ACOX1: variants seen among roughly 807,000 people sequenced by gnomAD.
The protein encoded by ACOX1 is acyl-CoA oxidase 1.
In ACOX1, 41 loss-of-function variants were observed where a neutral mutation model predicts 75.5. The observed-to-expected ratio is 0.54, with a 90% CI of 0.42 to 0.70. ACOX1 has a LOEUF of 0.70. ACOX1 is among the 30% of genes least tolerant of loss of function. The pLI is 0.00. For missense variants in ACOX1, 630 were observed against 837.5 expected (o/e 0.75, Z 3.06); for synonymous variants, 303 against 298.8 (o/e 1.01, Z -0.15).
Position 75,978,826 on chromosome 17 carries a change from G to C in ACOX1, c.110-133C>G. Reference sequence around the variant, plus strand: ...GCGATATCCCCCCACCAGGGACACAGGCTGTTCCTCGAAGTGGGGGTCCCG... The same window carrying C: ...GCGATATCCCCCCACCAGGGACACACGCTGTTCCTCGAAGTGGGGGTCCCG... On this transcript the variant is annotated intron_variant, in intron 1 of 13. Transcript: ENST00000293217. This position sits in a 1 kb window ranked among gnomAD's most constrained non-coding sequence, Gnocchi z 4.2. 1 of 1,599,622 alleles carries C rather than the reference G, an allele frequency of 6.3e-7. No homozygotes were observed. Among genetic ancestry groups the C allele is most frequent in the South Asian group, 1.1e-5 (1 of 90,496 alleles).
chr17:75,946,838 C>T (rs1333721722), intron 13 of ACOX1, 43 bp from the exon 14 acceptor site: 1 of 1,577,976 alleles, frequency 6.3e-7, no homozygotes, highest in Non-Finnish European at 8.7e-7. Context: ...AAAGAGTTTG[C>T]CATGTTAAAT....
intron 13 of ACOX1, among the ~76,000 whole-genome samples, chr17:75,947,543 AT>A (rs2065733015): frequency 1.3e-5 from 2 of 152,122 alleles, no homozygotes; most frequent in South Asian, 4.1e-4. Context: ...GATGTCTTAG[AT>A]TTATTTCAAA....
chr17:75,955,731 T>C, intron 5 of ACOX1, 50 bp from the exon 6 acceptor site: 1 of 1,611,942 alleles, frequency 6.2e-7, no homozygotes, highest in Non-Finnish European at 8.5e-7. Context: ...CTGGAATTTC[T>C]GGCTTTTGCT....
rs2065719372 is a variant in ACOX1, at chr17:75,946,255, A to G, written c.*493T>C. On this transcript the variant is annotated 3_prime_UTR_variant, in exon 14 of 14. Transcript: ENST00000293217. ...ACTCATTCGCATCAAGTTTTCCAAT[A>G]AGTTTCCTTCCCCCAGTCCCTTTTC... 2 of 180,808 alleles carry G rather than the reference A, an allele frequency of 1.1e-5. No individual in the cohort carries two copies. Among genetic ancestry groups the G allele is most frequent in the South Asian group, 2.2e-4 (2 of 9,256 alleles). 11.2% of individuals were successfully genotyped at this position (180,808 alleles called of 1,614,324 possible).
intron 13 of ACOX1, 31 bp from the exon 14 acceptor site, chr17:75,946,826 AT>A (rs1187183049): frequency 6.2e-7 from 1 of 1,604,316 alleles, no homozygotes; most frequent in East Asian, 2.2e-5. Flanking sequence ...AGAACTACTA[AT>A]AAAGAGTTTG....
Position 75,960,271 on chromosome 17 carries a change from ATGAAGAAGC to A in ACOX1, c.365_373del (p.Arg122_Met125delinsLeu), listed in dbSNP as rs1410397662. 6.2e-7 allele frequency: 1 copy of A among 1,614,206 alleles called. No homozygotes were observed. The highest frequency in any genetic ancestry group is 1.7e-5 in the Admixed American group (1 of 60,028). On this transcript the variant is annotated inframe_deletion, in exon 3 of 14. Coordinates refer to ENST00000293217, the MANE Select transcript of ACOX1 (RefSeq NM_004035.7). This position sits in a 1 kb window ranked among gnomAD's most constrained non-coding sequence, Gnocchi z 4.4. ...AATGATCTCCAAGTTCCAGGCGGGC[ATGAAGAAGC>A]GCTCCTGCTGCTCCGCAGTTGCCTG...
At chr17:75,967,202 G>A (rs2065940306) in intron 2 of ACOX1, among the ~76,000 whole-genome samples, 1 of 152,114 alleles carries the variant, frequency 6.6e-6, no homozygotes, top group Non-Finnish European at 1.5e-5. Flanking sequence ...CGGGCGTGGT[G>A]GCTCACGCCT....
intron 2 of ACOX1, among the ~76,000 whole-genome samples, chr17:75,961,485 A>T (rs1209674779): frequency 6.8e-6 from 1 of 147,090 alleles, no homozygotes; most frequent in Non-Finnish European, 1.5e-5. Context: ...AAAAAAAAAA[A>T]AAGGCCGGGC....
rs1394612222 is a variant in ACOX1, at chr17:75,944,348, CAGTGGCAGTCT to C, written c.*2389_*2399del. On this transcript the variant is annotated 3_prime_UTR_variant, in exon 14 of 14. Transcript: ENST00000293217. Reference sequence around the variant, plus strand: ...TTGAATCCAACAGACCCAAACTTGTCAGTGGCAGTCTAGTGTGGTAGAGAGAACAAACTGGA... The same window carrying C: ...TTGAATCCAACAGACCCAAACTTGTCAGTGTGGTAGAGAGAACAAACTGGA... 1 of 152,212 alleles carries C rather than the reference CAGTGGCAGTCT, an allele frequency of 6.6e-6. No homozygotes were observed. The highest frequency in any genetic ancestry group is 2.4e-5 in the African/African-American group (1 of 41,454). 9.4% of individuals were successfully genotyped at this position (152,212 alleles called of 1,614,324 possible).
At chr17:75,969,956 G>T (rs189513468) in intron 2 of ACOX1, among the ~76,000 whole-genome samples, 1 of 152,074 alleles carries the variant, frequency 6.6e-6, no homozygotes, top group East Asian at 1.9e-4. Context: ...AGGCCGAGGT[G>T]GGCAGATCGC....
chr17:75,964,020 C>T (rs2065909019), intron 2 of ACOX1, among the ~76,000 whole-genome samples: 1 of 151,698 alleles, frequency 6.6e-6, no homozygotes, highest in Admixed American at 6.6e-5. Flanking sequence ...CCCATCTCTA[C>T]TAAAAATACA....
intron 4 of ACOX1, 132 bp downstream of exon 4, chr17:75,957,327 C>T: frequency 1.2e-6 from 1 of 809,902 alleles, no homozygotes; most frequent in Non-Finnish European, 2.1e-6. Flanking sequence ...GTGATCTGCC[C>T]ACCTCAGCCT....
At chr17:75,977,481 G>A (rs548551789) in intron 2 of ACOX1, among the ~76,000 whole-genome samples, 17 of 152,122 alleles carry the variant, frequency 1.1e-4, no homozygotes, top group Non-Finnish European at 2.2e-4. Context: ...CAGGAGAATC[G>A]CTTGAATCCG....
At chr17:75,967,082 A>C (rs1255849239) in intron 2 of ACOX1, among the ~76,000 whole-genome samples, 1 of 124,304 alleles carries the variant, frequency 8.0e-6, no homozygotes, top group Non-Finnish European at 1.8e-5. Context: ...AAAGAAGTAC[A>C]AAAAAAAAAA....
Position 75,955,810 on chromosome 17 carries a change from C to T in ACOX1, c.658+18G>A. 3 of 1,614,070 alleles carry T rather than the reference C, an allele frequency of 1.9e-6. No homozygotes were observed. Among genetic ancestry groups the T allele is most frequent in the South Asian group, 1.1e-5 (1 of 91,082 alleles). ...CTCAGTTTCATTTTCATCTCAACAT[C>T]AGATGAACAGTTCTTACCTGGCAAA... On this transcript the variant is annotated intron_variant, in intron 5 of 13. Coordinates refer to ENST00000293217, the MANE Select transcript of ACOX1 (RefSeq NM_004035.7).
At chr17:75,977,520 C>T (rs1026807346) in intron 2 of ACOX1, among the ~76,000 whole-genome samples, 1 of 152,028 alleles carries the variant, frequency 6.6e-6, no homozygotes, top group Non-Finnish European at 1.5e-5. Flanking sequence ...GAGCCGAGAT[C>T]GTGCCACTGC....
intron 3 of ACOX1, among the ~76,000 whole-genome samples, chr17:75,958,681 G>A (rs1311720168): frequency 2.8e-4 from 42 of 151,952 alleles, no homozygotes; most frequent in Non-Finnish European, 4.4e-4. Context: ...GGTGGTGGGT[G>A]CCTGTAGTCC....
intron 7 of ACOX1, among the ~76,000 whole-genome samples, chr17:75,953,097 C>A (rs934462933): frequency 6.6e-6 from 1 of 152,118 alleles, no homozygotes; most frequent in Non-Finnish European, 1.5e-5. Context: ...TCACCATGCA[C>A]AATTTACAGT....
chr17:75,975,303 C>T (rs1301949979), intron 2 of ACOX1, among the ~76,000 whole-genome samples: 1 of 151,880 alleles, frequency 6.6e-6, no homozygotes, highest in Non-Finnish European at 1.5e-5. Flanking sequence ...GGATTATAGG[C>T]GTGTGCCACC....
Sources: gnomAD v4.1 joint callset for allele counts (sites outside exome capture counted in the v4.1 genomes callset) on GRCh38, gnomAD v4.1.1 for gene constraint, Gnocchi (gnomAD v3.1) non-coding constraint, MANE v1.5 for transcripts, NCBI Gene and HGNC (gene_info 2026-07-23, HGNC 2026-07-21) for gene names.